Variants in ERICH1 observed in about 807,000 individuals in gnomAD.
ERICH1 encodes the protein glutamate-rich protein 1.
Under a neutral mutation model 39.6 loss-of-function variants are expected in ERICH1, and 56 were observed. The observed-to-expected ratio is 1.41, with a 90% CI of 1.14 to 1.77. ERICH1 has a LOEUF of 1.77. Ranked by LOEUF, ERICH1 falls within the 40% of genes most tolerant of loss-of-function variation. The probability of loss-of-function intolerance (pLI) is 0.00; values close to 1 mark genes in which losing one functional copy is unlikely to be tolerated. For synonymous variants in ERICH1, 313 were observed against 223.6 expected (o/e 1.40, Z -3.57); for missense variants, 826 against 575.4 (o/e 1.44, Z -4.45).
At chr8:629,153 G>C (rs958364903) in intron 3 of ERICH1, among the ~76,000 whole-genome samples, 8 of 152,140 alleles carry the variant, frequency 5.3e-5, no homozygotes, top group Admixed American at 1.3e-4. Flanking sequence ...GCCAAACTGA[G>C]CACACGTGAT....
chr8:714,875 C>T (rs535517349), intron 2 of ERICH1, among the ~76,000 whole-genome samples: 1 of 152,166 alleles, frequency 6.6e-6, no homozygotes, highest in African/African-American at 2.4e-5. Context: ...ATTCCCGTGT[C>T]TCTCGGTGGG....
intron 2 of ERICH1, among the ~76,000 whole-genome samples, chr8:697,247 G>A (rs1810530070): frequency 6.6e-6 from 1 of 152,068 alleles, no homozygotes; most frequent in African/African-American, 2.4e-5. Flanking sequence ...GCTGCAAATG[G>A]CCCCAGGGGA....
chr8:709,291 C>T (rs530847971), intron 2 of ERICH1, among the ~76,000 whole-genome samples: 1 of 152,186 alleles, frequency 6.6e-6, no homozygotes, highest in Non-Finnish European at 1.5e-5. Flanking sequence ...ACTTGACAGA[C>T]CAGAGTCTGA....
At chr8:698,541 AT>A (rs1397313132) in intron 2 of ERICH1, among the ~76,000 whole-genome samples, 1 of 151,918 alleles carries the variant, frequency 6.6e-6, no homozygotes, top group Non-Finnish European at 1.5e-5. Context: ...CCTGCCAGCA[AT>A]TTATGAGTAT....
At chr8:709,292 C>T (rs207468894) in intron 2 of ERICH1, among the ~76,000 whole-genome samples, 1 of 152,158 alleles carries the variant, frequency 6.6e-6, no homozygotes, top group Non-Finnish European at 1.5e-5. Context: ...CTTGACAGAC[C>T]AGAGTCTGAA....
chr8:698,383 T>C (rs1810879220), intron 2 of ERICH1, among the ~76,000 whole-genome samples: 2 of 152,032 alleles, frequency 1.3e-5, no homozygotes, highest in Non-Finnish European at 1.5e-5. Flanking sequence ...CACGCCCAGA[T>C]AATTTTTGTA....
intron 2 of ERICH1, among the ~76,000 whole-genome samples, chr8:711,503 T>C (rs1031190423): frequency 3.3e-4 from 47 of 144,268 alleles, no homozygotes; most frequent in African/African-American, 1.2e-3. Flanking sequence ...TGTAAGATCT[T>C]TTTTTTTTTT....
At chr8:691,741 A>T (rs942147985) in intron 3 of ERICH1, among the ~76,000 whole-genome samples, 21 of 152,242 alleles carry the variant, frequency 1.4e-4, no homozygotes, top group Non-Finnish European at 8.8e-5. Context: ...AGACAAAAGC[A>T]GTCAAAAACC....
intron 5 of ERICH1, chr8:668,160 G>C (rs186793370): frequency 5.8e-5 from 15 of 259,446 alleles, no homozygotes; most frequent in Admixed American, 4.1e-4. Context: ...GCACACAACA[G>C]TTTGCATGAA....
chr8:691,321 T>A (rs35048475), intron 3 of ERICH1, among the ~76,000 whole-genome samples: 6,898 of 152,324 alleles, frequency 0.045, 206 homozygotes, highest in Middle Eastern at 0.078. Flanking sequence ...TTCCACTTCC[T>A]GTAAGAACAC....
At chr8:655,889 C>T (rs1563194222) in intron 3 of ERICH1, among the ~76,000 whole-genome samples, 1 of 152,162 alleles carries the variant, frequency 6.6e-6, no homozygotes, top group African/African-American at 2.4e-5. Context: ...CCTCCACACA[C>T]GCAGGTGCAG....
rs142802466 is a variant in ERICH1 at position 708,277 on chromosome 8, C to T, written c.169+7584G>A. Among the ~76,000 whole-genome samples the T allele has an allele frequency of 3.2e-3, 489 of 152,306 alleles. 1 individual carries two copies. The highest frequency in any genetic ancestry group is 0.014 in the Middle Eastern group (4 of 294). On this transcript the variant is annotated intron_variant, in intron 2 of 5. Coordinates refer to ENST00000262109, the MANE Select transcript of ERICH1 (RefSeq NM_207332.3). ...GAGTTACCATTTGACCCTGCATTTC[C>T]ACTCCTAAGTATAAACTCAAGAGAA...
intron 3 of ERICH1, among the ~76,000 whole-genome samples, chr8:690,742 C>T (rs1808720943): frequency 6.6e-6 from 1 of 152,274 alleles, no homozygotes; most frequent in Admixed American, 6.5e-5. Flanking sequence ...GTGCCAGGCA[C>T]AGCAAAGGCA....
chr8:695,141 C>T (rs1039074720), intron 2 of ERICH1, among the ~76,000 whole-genome samples: 4 of 152,030 alleles, frequency 2.6e-5, no homozygotes, highest in African/African-American at 7.3e-5. Flanking sequence ...AGGTTCCCCT[C>T]AGCTCCTCTG....
Position 683,739 on chromosome 8 carries a change from T to C in ERICH1, c.304+8739A>G, listed in dbSNP as rs567845646. ...TCTAGATGCTAAAGTTTTGTGATTT[T>C]GAATTTGGATGCCGGGCGGTGATCA... On this transcript the variant is annotated intron_variant, in intron 3 of 5. Coordinates refer to ENST00000262109, the MANE Select transcript of ERICH1 (RefSeq NM_207332.3). 2.0e-5 allele frequency among the ~76,000 whole-genome samples: 3 copies of C among 152,356 alleles called. No homozygotes were observed. In the East Asian group the frequency reaches 5.8e-4, roughly 29 times the overall value.
At chr8:660,413 G>A (rs1416574848), downstream of ERICH1, among the ~76,000 whole-genome samples, 4 of 152,220 alleles carry the variant, frequency 2.6e-5, no homozygotes, top group South Asian at 6.2e-4. Context: ...CAGGTTGGAG[G>A]GGCCACGGGG....
At chr8:626,546 G>A (rs1797602897) in intron 3 of ERICH1, 1 of 155,254 alleles carries the variant, frequency 6.4e-6, no homozygotes. Flanking sequence ...AGCTCCCCGG[G>A]ACAAAAACTG....
rs377252483 is a variant in ERICH1, at chr8:673,557, G to A, written c.795C>T (p.Asp265=). ...EEDPTPAGEE[D]VKDAREEDGV... ...CGTCCTCCTCCCTGGCGTCTTTAAC[G>A]TCTTCCTCCCCGGCCGGTGTCGGAT... The change falls in exon 4 of 6, where the codon GAC becomes GAT. Residue 265 remains aspartate, a synonymous_variant. Transcript: ENST00000262109. 1.4e-5 allele frequency: 21 copies of A among 1,550,624 alleles called. No individual in the cohort carries two copies. Among genetic ancestry groups the A allele is most frequent in the East Asian group, 2.3e-5 (1 of 44,326 alleles).
At chr8:653,083 C>G (rs1039996646) in intron 3 of ERICH1, among the ~76,000 whole-genome samples, 9 of 152,348 alleles carry the variant, frequency 5.9e-5, no homozygotes, top group African/African-American at 2.2e-4. Flanking sequence ...ACCGTATGAT[C>G]CAGCCCTTCC....
Sources: gnomAD v4.1 joint callset for allele counts (sites outside exome capture counted in the v4.1 genomes callset) on GRCh38, gnomAD v4.1.1 for gene constraint, MANE v1.5 for transcripts, NCBI Gene and HGNC (gene_info 2026-07-23, HGNC 2026-07-21) for gene names.